EIF4G3: variants seen among roughly 807,000 people sequenced by gnomAD.
The protein encoded by EIF4G3 is eukaryotic translation initiation factor 4 gamma 3.
A neutral mutation model predicts 186.4 loss-of-function variants in EIF4G3; 34 were observed. The observed-to-expected ratio is 0.18, with a 90% confidence interval of 0.14 to 0.24. The LOEUF (loss-of-function observed/expected upper bound fraction) is 0.24. Among genes scored for constraint, EIF4G3 ranks in the 10% least tolerant of loss-of-function variants. EIF4G3 has a pLI of 1.00. For missense variants in EIF4G3, 1,536 were observed against 1,948.5 expected, an observed-to-expected ratio of 0.79 and a Z score of 3.99; for synonymous variants, 673 against 679.5, an observed-to-expected ratio of 0.99 and a Z score of 0.15.
intron 4 of EIF4G3, among the ~76,000 whole-genome samples, chr1:21,040,616 G>A (rs940175495): frequency 6.6e-6 from 1 of 152,144 alleles, no homozygotes; most frequent in African/African-American, 2.4e-5. Context: ...AAGTTTAAAT[G>A]CATATTCCTA....
chr1:20,968,378 C>T (rs553778253), intron 12 of EIF4G3, among the ~76,000 whole-genome samples: 4 of 152,200 alleles, frequency 2.6e-5, no homozygotes, highest in South Asian at 2.1e-4. Flanking sequence ...TGGGGTTTCA[C>T]CATGTTGGCT....
intron 3 of EIF4G3, among the ~76,000 whole-genome samples, chr1:21,083,522 C>A (rs1342439663): frequency 6.6e-6 from 1 of 150,872 alleles, no homozygotes; most frequent in East Asian, 1.9e-4. Context: ...CAGGGTTTCA[C>A]CATGTTGCCC....
chr1:20,899,454 C>T (rs1220737001), intron 16 of EIF4G3, among the ~76,000 whole-genome samples: 1 of 152,158 alleles, frequency 6.6e-6, no homozygotes, highest in Non-Finnish European at 1.5e-5. Context: ...TGTCTGATTC[C>T]CTCTGCCAGA....
chr1:21,112,764 C>A (rs60307998), intron 2 of EIF4G3, among the ~76,000 whole-genome samples: 2 of 152,110 alleles, frequency 1.3e-5, no homozygotes, highest in South Asian at 4.1e-4. Flanking sequence ...TAAAAATATT[C>A]TCAAATAGAA....
At chr1:21,097,628 T>G (rs2096406711) in intron 2 of EIF4G3, among the ~76,000 whole-genome samples, 1 of 152,080 alleles carries the variant, frequency 6.6e-6, no homozygotes, top group Non-Finnish European at 1.5e-5. Flanking sequence ...AACAAATCAA[T>G]GAACAGAATA....
intron 22 of EIF4G3, among the ~76,000 whole-genome samples, chr1:20,863,429 C>A (rs1301195012): frequency 4.4e-4 from 62 of 142,298 alleles, no homozygotes; most frequent in Non-Finnish European, 7.4e-4. Context: ...GACCCTGTTA[C>A]CTTTTTTTTT....
At chr1:20,836,897 A>G (rs1171186220) in intron 30 of EIF4G3, among the ~76,000 whole-genome samples, 3 of 152,212 alleles carry the variant, frequency 2.0e-5, no homozygotes, top group Non-Finnish European at 4.4e-5. Context: ...CTATACAATA[A>G]TGCTTCTACC....
At chr1:20,934,427 C>T (rs761009369) in intron 14 of EIF4G3, among the ~76,000 whole-genome samples, 13 of 152,120 alleles carry the variant, frequency 8.5e-5, no homozygotes, top group South Asian at 4.2e-4. Context: ...GCAGTGAATA[C>T]ATACGAGACT....
chr1:21,082,356 G>T (rs117962370), intron 3 of EIF4G3, among the ~76,000 whole-genome samples: 1 of 151,912 alleles, frequency 6.6e-6, no homozygotes, highest in African/African-American at 2.4e-5. Context: ...AGGCCAAGGC[G>T]TGTGGATCAC....
chr1:20,904,828 C>A, intron 15 of EIF4G3, 55 bp downstream of exon 15: 1 of 1,367,242 alleles, frequency 7.3e-7, no homozygotes, highest in Non-Finnish European at 1.0e-6. Flanking sequence ...TAAACACATA[C>A]CTGTCTATGA....
At chr1:20,853,474 T>C (rs1364745366) in intron 27 of EIF4G3, 86 bp downstream of exon 27, 1 of 784,510 alleles carries the variant, frequency 1.3e-6, no homozygotes, top group African/African-American at 1.7e-5. Context: ...TCCATAAGGA[T>C]TGCTATCAAA....
At chr1:21,022,546 G>C (rs1270755171) in intron 4 of EIF4G3, among the ~76,000 whole-genome samples, 1 of 152,092 alleles carries the variant, frequency 6.6e-6, no homozygotes, top group Non-Finnish European at 1.5e-5. Context: ...ACAACATCAG[G>C]CTTCTTTTCC....
In EIF4G3 at chr1:20,810,402, C is replaced by T. The variant is rs1271859432; in HGVS notation, c.4744+336G>A. On this transcript the variant is annotated intron_variant, in intron 36 of 36. Coordinates refer to ENST00000602326, the MANE Select transcript of EIF4G3 (RefSeq NM_001391906.1). This position sits in a 1 kb window ranked among gnomAD's most constrained non-coding sequence, Gnocchi z 4.1. ...ATCTCCTGACCTCATGATCCATCTGCCTCGGCCTCCCAAAGTGCTGGGATT... is the reference window on the plus strand; with the variant it reads ...ATCTCCTGACCTCATGATCCATCTGTCTCGGCCTCCCAAAGTGCTGGGATT... 6.6e-6 allele frequency among the ~76,000 whole-genome samples: 1 copy of T among 152,130 alleles called. No homozygotes were observed. The highest frequency in any genetic ancestry group is 1.9e-4 in the East Asian group (1 of 5,188).
intron 2 of EIF4G3, among the ~76,000 whole-genome samples, chr1:21,158,169 CT>C (rs71014163): frequency 0.02 from 2,002 of 99,542 alleles, 7 homozygotes; most frequent in Middle Eastern, 0.024. Context: ...AAATACATAG[CT>C]TTTTTTTTTT....
intron 31 of EIF4G3, among the ~76,000 whole-genome samples, chr1:20,828,128 G>A (rs1183684379): frequency 2.7e-5 from 4 of 150,634 alleles, no homozygotes; most frequent in East Asian, 2.0e-4. Flanking sequence ...CAATTCCCTG[G>A]TTCAAGCGAT....
At chr1:20,923,528 T>C (rs2094635467) in intron 14 of EIF4G3, among the ~76,000 whole-genome samples, 1 of 152,158 alleles carries the variant, frequency 6.6e-6, no homozygotes, top group Admixed American at 6.5e-5. Context: ...CACAAATATG[T>C]AATTTAATTA....
At chr1:21,072,131 T>C (rs536406412) in intron 3 of EIF4G3, among the ~76,000 whole-genome samples, 1 of 152,362 alleles carries the variant, frequency 6.6e-6, no homozygotes, top group East Asian at 1.9e-4. Flanking sequence ...TTGTATCATG[T>C]ACATCTAGTA....
At chr1:21,117,343 C>T (rs2096842995) in intron 2 of EIF4G3, among the ~76,000 whole-genome samples, 2 of 151,790 alleles carry the variant, frequency 1.3e-5, no homozygotes, top group African/African-American at 2.4e-5. Context: ...GAGATACGGT[C>T]ACACACAAAA....
intron 3 of EIF4G3, among the ~76,000 whole-genome samples, chr1:21,057,761 T>C (rs958447599): frequency 2.0e-5 from 3 of 152,130 alleles, no homozygotes; most frequent in Non-Finnish European, 4.4e-5. Flanking sequence ...TCACTTACAT[T>C]GGTATTATAC....
Sources: allele counts gnomAD v4.1 joint callset (sites outside exome capture counted in the v4.1 genomes callset), GRCh38; gene constraint gnomAD v4.1.1; non-coding constraint Gnocchi (gnomAD v3.1); transcripts MANE v1.5; gene names NCBI Gene and HGNC (gene_info 2026-07-23, HGNC 2026-07-21).